PRTFDC1: variants seen among roughly 807,000 people sequenced by gnomAD.
PRTFDC1 encodes phosphoribosyl transferase domain containing 1, also known as phosphoribosyltransferase domain-containing protein 1.
PRTFDC1 carries 38 observed loss-of-function variants against 34.6 expected under a neutral mutation model. The ratio of observed to expected loss-of-function variants is 1.10; its 90% confidence interval spans 0.85 to 1.44. The LOEUF is 1.44. Ranked by LOEUF, PRTFDC1 falls within the 40% of genes most tolerant of loss-of-function variation. The pLI, the probability that PRTFDC1 is intolerant of heterozygous loss-of-function variation, is 0.00. For synonymous variants in PRTFDC1, 93 were observed against 98.1 expected, an observed-to-expected ratio of 0.95 and a Z score of 0.31; for missense variants, 270 against 283.0, an observed-to-expected ratio of 0.95 and a Z score of 0.33.
At chr10:24,941,872 G>T (rs1849164655) in intron 2 of PRTFDC1, among the ~76,000 whole-genome samples, 1 of 152,084 alleles carries the variant, frequency 6.6e-6, no homozygotes, top group South Asian at 2.1e-4. Flanking sequence ...AGTCAAGCAG[G>T]TTTCTTTTCT....
At chr10:24,861,694 A>C (rs2132497954) in intron 4 of PRTFDC1, among the ~76,000 whole-genome samples, 1 of 152,162 alleles carries the variant, frequency 6.6e-6, no homozygotes, top group East Asian at 1.9e-4. Flanking sequence ...AAATAGACTT[A>C]GTCATGTTTC....
At chr10:24,895,518 T>C (rs1848340210) in intron 3 of PRTFDC1, among the ~76,000 whole-genome samples, 1 of 151,160 alleles carries the variant, frequency 6.6e-6, no homozygotes, top group Non-Finnish European at 1.5e-5. Context: ...CCCAAAGTGC[T>C]GAGATTACAG....
intron 3 of PRTFDC1, among the ~76,000 whole-genome samples, chr10:24,904,688 T>C (rs757016313): frequency 1.3e-5 from 2 of 152,206 alleles, no homozygotes; most frequent in Non-Finnish European, 1.5e-5. Flanking sequence ...CTAAGAATCC[T>C]GGAAAAGAGA....
intron 3 of PRTFDC1, among the ~76,000 whole-genome samples, chr10:24,886,976 T>C (rs1243720771): frequency 7.0e-5 from 5 of 71,924 alleles, no homozygotes; most frequent in African/African-American, 3.4e-4. Flanking sequence ...TTTTTTTTTT[T>C]TTTTTGAGAC....
chr10:24,908,146 A>C (rs1233197608), intron 3 of PRTFDC1, among the ~76,000 whole-genome samples: 3 of 152,196 alleles, frequency 2.0e-5, no homozygotes, highest in Non-Finnish European at 4.4e-5. Flanking sequence ...GAGTACTGCG[A>C]GATCCACACC....
At chr10:24,887,152 A>G (rs1334796060) in intron 3 of PRTFDC1, among the ~76,000 whole-genome samples, 1 of 150,488 alleles carries the variant, frequency 6.6e-6, no homozygotes, top group African/African-American at 2.4e-5. Flanking sequence ...TTGTATTTTT[A>G]GTAGAGACGG....
At chr10:24,854,890 G>T (rs3827855) in intron 7 of PRTFDC1, among the ~76,000 whole-genome samples, 1 of 152,088 alleles carries the variant, frequency 6.6e-6, no homozygotes, top group Non-Finnish European at 1.5e-5. Context: ...GATGGCATAA[G>T]AATCCCTCTA....
In PRTFDC1 at chr10:24,935,290, C is replaced by A. The variant is rs148491586; in HGVS notation, c.339+1894G>T. ...GGACAAATATAATAAGGGTCAGGGCCAAGTGAATGAGAGAAATCTGGTATG... is the reference window on the plus strand; with the variant it reads ...GGACAAATATAATAAGGGTCAGGGCAAAGTGAATGAGAGAAATCTGGTATG... On this transcript the variant is annotated intron_variant, in intron 3 of 8. Coordinates refer to ENST00000320152, the MANE Select transcript of PRTFDC1 (RefSeq NM_020200.7). Among the ~76,000 whole-genome samples the A allele has an allele frequency of 1.0e-3, 158 of 152,092 alleles. 2 individuals carry two copies. The highest frequency in any genetic ancestry group is 3.6e-3 in the African/African-American group (151 of 41,464).
intron 3 of PRTFDC1, among the ~76,000 whole-genome samples, chr10:24,880,813 C>T (rs1265873256): frequency 1.7e-5 from 2 of 115,016 alleles, no homozygotes; most frequent in South Asian, 3.6e-4. Context: ...TACTGTCTTT[C>T]TCTTTCTTTC....
At chr10:24,933,552 T>A (rs1252164531) in intron 3 of PRTFDC1, among the ~76,000 whole-genome samples, 1 of 152,150 alleles carries the variant, frequency 6.6e-6, no homozygotes, top group African/African-American at 2.4e-5. Context: ...TATCATCACC[T>A]ATTAGAACAG....
chr10:24,906,373 C>T (rs1476768368), intron 3 of PRTFDC1, among the ~76,000 whole-genome samples: 1 of 152,156 alleles, frequency 6.6e-6, no homozygotes, highest in Admixed American at 6.5e-5. Flanking sequence ...CAAGATACCC[C>T]TGGACCCCCA....
intron 7 of PRTFDC1, among the ~76,000 whole-genome samples, chr10:24,854,428 C>T (rs184824464): frequency 4.6e-5 from 7 of 152,278 alleles, no homozygotes; most frequent in East Asian, 1.9e-4. Flanking sequence ...GGCTAAATGT[C>T]GCTGGCATGT....
At chr10:24,935,923 A>C (rs919511197) in intron 3 of PRTFDC1, among the ~76,000 whole-genome samples, 3 of 152,192 alleles carry the variant, frequency 2.0e-5, no homozygotes, top group Admixed American at 1.3e-4. Flanking sequence ...AAAACCTCAG[A>C]TGATATCAAA....
intron 3 of PRTFDC1, chr10:24,908,576 C>T (rs764471668): frequency 4.3e-6 from 7 of 1,612,832 alleles, no homozygotes; most frequent in Non-Finnish European, 5.9e-6. Context: ...GTAACCTCTC[C>T]AGAGGGTATT....
chr10:24,935,687 G>C (rs1421991982), intron 3 of PRTFDC1, among the ~76,000 whole-genome samples: 1 of 152,198 alleles, frequency 6.6e-6, no homozygotes, highest in African/African-American at 2.4e-5. Context: ...TTCATCAAAA[G>C]GCAGGTTACC....
chr10:24,903,834 C>A (rs1369911185), intron 3 of PRTFDC1, among the ~76,000 whole-genome samples: 2 of 151,140 alleles, frequency 1.3e-5, no homozygotes, highest in Non-Finnish European at 2.9e-5. Context: ...AACCACACAC[C>A]CAGCTAATTT....
chr10:24,876,104 G>A (rs1020692795), intron 3 of PRTFDC1, among the ~76,000 whole-genome samples: 3 of 152,052 alleles, frequency 2.0e-5, no homozygotes, highest in Non-Finnish European at 4.4e-5. Context: ...TGAGGCTGAG[G>A]GTGGTGGCTC....
intron 4 of PRTFDC1, among the ~76,000 whole-genome samples, chr10:24,858,838 A>G (rs929139727): frequency 6.6e-6 from 1 of 151,992 alleles, no homozygotes; most frequent in Non-Finnish European, 1.5e-5. Context: ...TGACAGCCTT[A>G]CTCTTGCACA....
At chr10:24,851,563 C>A in intron 7 of PRTFDC1, 99 bp from the exon 8 acceptor site, 3 of 1,516,294 alleles carry the variant, frequency 2.0e-6, no homozygotes, top group Non-Finnish European at 1.8e-6. Flanking sequence ...ACTTGAGGAC[C>A]TTTCATTGAG....
Sources: gnomAD v4.1 joint callset for allele counts (sites outside exome capture counted in the v4.1 genomes callset) on GRCh38, gnomAD v4.1.1 for gene constraint, MANE v1.5 for transcripts, NCBI Gene and HGNC (gene_info 2026-07-23, HGNC 2026-07-21) for gene names.